Variants in AGXT2 observed in about 807,000 individuals in gnomAD.
AGXT2 encodes the protein alanine--glyoxylate aminotransferase 2, mitochondrial.
Under a neutral mutation model 62.5 loss-of-function variants are expected in AGXT2, and 61 were observed. That is an observed-to-expected ratio of 0.98 (90% CI 0.79 to 1.21). The LOEUF (loss-of-function observed/expected upper bound fraction) is 1.21, where lower values mean the gene tolerates loss of function less well. Among genes scored for constraint, AGXT2 ranks in the 50% most tolerant of loss-of-function variants. The pLI, the probability that AGXT2 is intolerant of heterozygous loss-of-function variation, is 0.00. For missense variants in AGXT2, 666 were observed against 641.5 expected, an observed-to-expected ratio of 1.04 and a Z score of -0.41; for synonymous variants, 243 against 218.7, an observed-to-expected ratio of 1.11 and a Z score of -0.98.
intron 9 of AGXT2, among the ~76,000 whole-genome samples, chr5:35,021,430 C>G (rs1243211631): frequency 1.3e-5 from 2 of 150,936 alleles, no homozygotes; most frequent in African/African-American, 4.9e-5. Context: ...ATATCTACAA[C>G]TATCTGATCT....
chr5:35,003,788 A>G lies in AGXT2; in HGVS notation c.1412T>C (p.Val471Ala), dbSNP rs553723890. Residue 471 changes from valine (V) to alanine (A), a missense_variant, in exon 13 of 14, where the codon GTT becomes GCT. By Grantham distance (64) the Val-to-Ala change is moderately conservative. Coordinates refer to ENST00000231420, the MANE Select transcript of AGXT2 (RefSeq NM_031900.4). ...HEDCKHMGLLVGRGSIFSQTF... is the reference protein window; with the variant it reads ...HEDCKHMGLLAGRGSIFSQTF... ...CTGAGAAAAAATGCTGCCTCTGCCA[A>G]CGAGGAGTCCCATGTGCTTGCAGTC... 7 of 1,614,184 alleles carry G rather than the reference A, an allele frequency of 4.3e-6. No homozygotes were observed. The Admixed American group carries it at 1.0e-4, about 23-fold the overall frequency.
chr5:35,025,669 CT>C, intron 9 of AGXT2, 93 bp downstream of exon 9: 1 of 1,342,618 alleles, frequency 7.4e-7, no homozygotes, highest in South Asian at 1.2e-5. Flanking sequence ...AGAGCAGAGG[CT>C]TTCTGCCTGG....
chr5:35,005,753 C>T (rs1392391839), intron 12 of AGXT2, among the ~76,000 whole-genome samples: 1 of 151,838 alleles, frequency 6.6e-6, no homozygotes, highest in East Asian at 1.9e-4. Context: ...ATGCCTGTGC[C>T]CCAACTGCTT....
At chr5:35,025,731 T>C (rs751104646) in intron 9 of AGXT2, 32 bp downstream of exon 9, 74 of 1,607,180 alleles carry the variant, frequency 4.6e-5, no homozygotes, top group Non-Finnish European at 6.0e-5. Context: ...CTGTTCCCAC[T>C]GCACTCAATG....
intron 13 of AGXT2, among the ~76,000 whole-genome samples, chr5:35,002,353 T>C (rs1215305823): frequency 6.6e-6 from 1 of 152,172 alleles, no homozygotes; most frequent in Admixed American, 6.5e-5. Flanking sequence ...GGGGGTTTCC[T>C]TGAGTGAAGG....
intron 9 of AGXT2, among the ~76,000 whole-genome samples, chr5:35,019,508 G>A (rs1021116611): frequency 6.6e-6 from 1 of 152,148 alleles, no homozygotes; most frequent in East Asian, 1.9e-4. Context: ...CAGAAATAAA[G>A]ATGTTCTTTG....
chr5:35,006,653 T>C (rs1218743385), intron 12 of AGXT2, among the ~76,000 whole-genome samples: 1 of 152,154 alleles, frequency 6.6e-6, no homozygotes, highest in Non-Finnish European at 1.5e-5. Context: ...CATTTCAACA[T>C]GAGATTTGGA....
intron 13 of AGXT2, among the ~76,000 whole-genome samples, chr5:34,999,055 T>C (rs1766134260): frequency 6.6e-6 from 1 of 152,144 alleles, no homozygotes; most frequent in Non-Finnish European, 1.5e-5. Flanking sequence ...TTGTCATACA[T>C]TTACCTCCTG....
intron 9 of AGXT2, among the ~76,000 whole-genome samples, chr5:35,022,981 G>A (rs1273762768): frequency 6.6e-6 from 1 of 151,100 alleles, no homozygotes; most frequent in Non-Finnish European, 1.5e-5. Flanking sequence ...TCAATCACTG[G>A]CTCCTAAATG....
intron 1 of AGXT2, among the ~76,000 whole-genome samples, chr5:35,043,936 T>C (rs37375): frequency 0.34 from 52,270 of 152,030 alleles, 9,326 homozygotes; most frequent in South Asian, 0.44. Context: ...AAGCCATCTG[T>C]CTGCCTTGGC....
intron 13 of AGXT2, among the ~76,000 whole-genome samples, chr5:35,000,411 C>T (rs1168557347): frequency 6.6e-6 from 1 of 152,156 alleles, no homozygotes; most frequent in Non-Finnish European, 1.5e-5. Context: ...GACAGAGTCT[C>T]ACTCTGTCGC....
chr5:35,027,439 A>G (rs1001445968), intron 7 of AGXT2, among the ~76,000 whole-genome samples: 2 of 152,112 alleles, frequency 1.3e-5, no homozygotes, highest in African/African-American at 2.4e-5. Context: ...AAATTTCAAT[A>G]ATCACTTTTA....
chr5:35,009,977 G>C (rs1205467836), intron 12 of AGXT2, 23 bp downstream of exon 12: 1 of 1,614,008 alleles, frequency 6.2e-7, no homozygotes, highest in Non-Finnish European at 8.5e-7. Flanking sequence ...GCAGCTGAGA[G>C]AGAGGGGCAG....
intron 12 of AGXT2, among the ~76,000 whole-genome samples, chr5:35,008,948 T>TA (rs758068209): frequency 2.0e-5 from 3 of 152,116 alleles, no homozygotes; most frequent in Non-Finnish European, 2.9e-5. Context: ...GCATTTACTA[T>TA]AGGGGCTGCA....
chr5:35,046,010 G>A (rs899236568), intron 1 of AGXT2, among the ~76,000 whole-genome samples: 44 of 152,018 alleles, frequency 2.9e-4, no homozygotes, highest in African/African-American at 1.0e-3. Flanking sequence ...CTCGTGATCC[G>A]CCCGCCTCAG....
chr5:35,009,569 C>A (rs755561259), intron 12 of AGXT2, among the ~76,000 whole-genome samples: 2 of 152,090 alleles, frequency 1.3e-5, no homozygotes, highest in Non-Finnish European at 2.9e-5. Context: ...GCACTCCCAG[C>A]CTGGGTGACA....
chr5:35,037,918 C>T (rs2112280028), intron 3 of AGXT2, among the ~76,000 whole-genome samples: 1 of 152,270 alleles, frequency 6.6e-6, no homozygotes, highest in South Asian at 2.1e-4. Flanking sequence ...AAACACAAAC[C>T]AAGTTGTCTG....
At chr5:35,036,915 T>C (rs1432764859) in intron 4 of AGXT2, 27 bp downstream of exon 4, 2 of 1,613,646 alleles carry the variant, frequency 1.2e-6, no homozygotes, top group East Asian at 4.5e-5. Context: ...CCCATAACAT[T>C]CACCTCCTGC....
At chr5:35,031,851 G>A (rs1767565858) in intron 7 of AGXT2, among the ~76,000 whole-genome samples, 1 of 147,284 alleles carries the variant, frequency 6.8e-6, no homozygotes, top group Admixed American at 6.7e-5. Context: ...CTTTCCACTG[G>A]TATGGGTTAA....
Sources: allele counts gnomAD v4.1 joint callset (sites outside exome capture counted in the v4.1 genomes callset), GRCh38; gene constraint gnomAD v4.1.1; transcripts MANE v1.5; gene names NCBI Gene and HGNC (gene_info 2026-07-23, HGNC 2026-07-21).